The following DNAH14 variants were observed in gnomAD, a reference collection of about 807,000 sequenced individuals.
The protein encoded by DNAH14 is dynein axonemal heavy chain 14, also known as axonemal beta dynein heavy chain 14.
Under a neutral mutation model 520.9 loss-of-function variants are expected in DNAH14, and 478 were observed. That is an observed-to-expected ratio of 0.92 (90% CI 0.85 to 0.99). The LOEUF (loss-of-function observed/expected upper bound fraction) is 0.99, where lower values mean the gene tolerates loss of function less well. Among genes scored for constraint, DNAH14 ranks in the 50% least tolerant of loss-of-function variants. The pLI is 0.00. For synonymous variants in DNAH14, 1,581 were observed against 1,757.2 expected, an observed-to-expected ratio of 0.90 and a Z score of 2.51; for missense variants, 4,831 against 5,234.5, an observed-to-expected ratio of 0.92 and a Z score of 2.38.
In DNAH14 at chr1:225,147,166, C is replaced by T; in HGVS notation, c.4857C>T (p.Phe1619=). 6.5e-7 allele frequency: 1 copy of T among 1,550,306 alleles called. No individual in the cohort carries two copies. Among genetic ancestry groups the T allele is most frequent in the South Asian group, 1.2e-5 (1 of 83,880 alleles). Reference sequence around the variant, plus strand: ...GAGCATGGAGTTGTTTTGATGAATTCAATCTAATTGATTTGGAAGTTCTCT... The same window carrying T: ...GAGCATGGAGTTGTTTTGATGAATTTAATCTAATTGATTTGGAAGTTCTCT... The part of the protein sequence containing the change: ...QSGAWSCFDE[F]NLIDLEVLSV... The change falls in exon 31 of 86, where the codon TTC becomes TTT. Residue 1619 remains phenylalanine, a synonymous_variant. Transcript: ENST00000682510.
intron 11 of DNAH14, among the ~76,000 whole-genome samples, chr1:225,031,603 GATTA>G (rs1237210544): frequency 6.6e-6 from 1 of 151,858 alleles, no homozygotes; most frequent in African/African-American, 2.4e-5. Flanking sequence ...TAAAAAAATC[GATTA>G]ATCTAAAACC....
At chr1:225,228,611 G>GC (rs1345959023) in intron 41 of DNAH14, among the ~76,000 whole-genome samples, 1 of 151,992 alleles carries the variant, frequency 6.6e-6, no homozygotes, top group East Asian at 1.9e-4. Context: ...CACTCCTGGG[G>GC]GGGGTCACTT....
chr1:225,190,966 C>G (rs1360112529), intron 37 of DNAH14, among the ~76,000 whole-genome samples: 1 of 151,986 alleles, frequency 6.6e-6, no homozygotes, highest in Non-Finnish European at 1.5e-5. Flanking sequence ...CTACTCCTTC[C>G]CAGCTCTGTT....
intron 40 of DNAH14, 63 bp from the exon 41 acceptor site, chr1:225,206,905 T>C (rs879448957): frequency 1.2e-5 from 16 of 1,334,480 alleles, no homozygotes; most frequent in Non-Finnish European, 1.6e-5. Flanking sequence ...GAGAGTAAGA[T>C]AGTAGAAGGA....
At chr1:224,997,244 G>A (rs1176212138) in intron 8 of DNAH14, among the ~76,000 whole-genome samples, 1 of 152,052 alleles carries the variant, frequency 6.6e-6, no homozygotes, top group Non-Finnish European at 1.5e-5. Context: ...AGTGAGACTG[G>A]AGTGGACTTC....
chr1:225,021,771 C>CAA (rs999936494), intron 10 of DNAH14, among the ~76,000 whole-genome samples: 1 of 148,464 alleles, frequency 6.7e-6, no homozygotes. Context: ...TTTCACAATT[C>CAA]AAAAAAAAAA....
At chr1:224,971,362 C>CT (rs896086709) in intron 7 of DNAH14, among the ~76,000 whole-genome samples, 12 of 151,046 alleles carry the variant, frequency 7.9e-5, no homozygotes, top group South Asian at 4.2e-4. Context: ...ACCTGAGAAA[C>CT]TTTTTTTTTG....
At chr1:225,386,000 C>A (rs1488865422) in intron 81 of DNAH14, among the ~76,000 whole-genome samples, 1 of 152,126 alleles carries the variant, frequency 6.6e-6, no homozygotes, top group Admixed American at 6.5e-5. Context: ...CTACAGTAAC[C>A]AAAACAGCGT....
At chr1:225,295,123 G>T (rs1367405625) in intron 55 of DNAH14, among the ~76,000 whole-genome samples, 1 of 151,902 alleles carries the variant, frequency 6.6e-6, no homozygotes, top group Admixed American at 6.6e-5. Flanking sequence ...TTTCACTTCT[G>T]ATTTTATTTA....
At chr1:225,117,065 A>G (rs570157232) in intron 23 of DNAH14, among the ~76,000 whole-genome samples, 13 of 152,254 alleles carry the variant, frequency 8.5e-5, no homozygotes, top group African/African-American at 3.1e-4. Context: ...GAGAGATTGA[A>G]GTTACAAAAG....
intron 66 of DNAH14, among the ~76,000 whole-genome samples, chr1:225,336,002 TATGTATAC>T (rs2095034392): frequency 2.3e-5 from 2 of 85,192 alleles, no homozygotes; most frequent in Non-Finnish European, 4.8e-5. Flanking sequence ...CATATGCATA[TATGTATAC>T]GCATATATGC....
At chr1:225,019,272 A>G (rs1039493093) in intron 10 of DNAH14, among the ~76,000 whole-genome samples, 26 of 152,318 alleles carry the variant, frequency 1.7e-4, no homozygotes, top group African/African-American at 6.0e-4. Context: ...AGAGGTTGCT[A>G]TTCTTATATC....
intron 8 of DNAH14, among the ~76,000 whole-genome samples, chr1:224,986,090 C>T (rs2062615628): frequency 6.6e-6 from 1 of 151,628 alleles, no homozygotes; most frequent in African/African-American, 2.4e-5. Flanking sequence ...CAAAGCACAC[C>T]TGAAAATACC....
At chr1:225,180,073 A>G (rs2083792183) in intron 36 of DNAH14, among the ~76,000 whole-genome samples, 1 of 152,042 alleles carries the variant, frequency 6.6e-6, no homozygotes. Context: ...AGTTTATTAT[A>G]TGCCTTGGGG....
chr1:225,143,207 G>C (rs1449157440), intron 28 of DNAH14, among the ~76,000 whole-genome samples: 1 of 151,924 alleles, frequency 6.6e-6, no homozygotes, highest in Non-Finnish European at 1.5e-5. Flanking sequence ...AAAGGCTCTG[G>C]AAATTGATTT....
intron 20 of DNAH14, 105 bp from the exon 21 acceptor site, chr1:225,085,439 A>G (rs755313192): frequency 8.7e-5 from 92 of 1,054,750 alleles, no homozygotes; most frequent in Middle Eastern, 3.1e-4. Flanking sequence ...TAGATCTTCA[A>G]TATTTTTGAT....
intron 33 of DNAH14, 108 bp from the exon 34 acceptor site, chr1:225,153,642 T>G (rs1573542428): frequency 1.4e-6 from 1 of 702,244 alleles, no homozygotes; most frequent in Non-Finnish European, 2.3e-6. Flanking sequence ...TGTCACTGTT[T>G]CCCTGCAGAG....
At position 225,204,208 on chromosome 1, in the gene DNAH14, C is replaced by A. The variant is rs1181662595; in HGVS notation, c.5912C>A (p.Thr1971Lys). ...SNVFKLDSSD[T>K]TETDDNIFEE... is the part of the protein sequence containing the mutation. ...GTTTTCAAACTTGATTCCTCTGATA[C>A]AACAGAGACTGATGATAATATTTTT... The change falls in exon 39 of 86, where the codon ACA becomes AAA. Residue 1971 changes from threonine to lysine, a missense_variant. Physicochemically the swap from Thr to Lys is moderately conservative, Grantham distance 78. Coordinates refer to ENST00000682510, the MANE Select transcript of DNAH14 (RefSeq NM_001367479.1). 1 of 1,483,340 alleles carries A rather than the reference C, an allele frequency of 6.7e-7. No individual in the cohort carries two copies. The highest frequency in any genetic ancestry group is 8.9e-7 in the Non-Finnish European group (1 of 1,124,174). 91.9% of individuals were successfully genotyped at this position (1,483,340 alleles called of 1,614,324 possible). A position where few individuals can be genotyped will look rare whatever the true frequency, so the allele number is the denominator to read the frequency against.
chr1:225,159,106 C>T lies in DNAH14; in HGVS notation c.5274-208C>T, dbSNP rs560578654. Among the ~76,000 whole-genome samples the T allele has an allele frequency of 2.6e-5, 4 of 152,232 alleles. No individual in the cohort carries two copies. The South Asian group carries it at 6.2e-4, about 24-fold the overall frequency. On this transcript the variant is annotated intron_variant, in intron 34 of 85. Transcript: ENST00000682510. ...ATTCAATGTCTGGGGATTGGTGTTG[C>T]TCTTATTGTTCTAGACCAGTCAGAG...
Sources: allele counts gnomAD v4.1 joint callset (sites outside exome capture counted in the v4.1 genomes callset), GRCh38; gene constraint gnomAD v4.1.1; transcripts MANE v1.5; gene names NCBI Gene and HGNC (gene_info 2026-07-23, HGNC 2026-07-21).